PTCHD4: variants seen among roughly 807,000 people sequenced by gnomAD.
PTCHD4 encodes patched domain containing 4.
A neutral mutation model predicts 58.1 loss-of-function variants in PTCHD4; 33 were observed. The observed-to-expected ratio is 0.57, with a 90% CI of 0.43 to 0.76. The LOEUF is 0.76. PTCHD4 is among the 30% of genes least tolerant of loss of function. PTCHD4 has a pLI of 0.00. For synonymous variants in PTCHD4, 478 were observed against 409.6 expected, an observed-to-expected ratio of 1.17 and a Z score of -2.02; for missense variants, 1,058 against 1,027.1, an observed-to-expected ratio of 1.03 and a Z score of -0.41.
intron 4 of PTCHD4, among the ~76,000 whole-genome samples, chr6:47,927,287 T>C (rs1002849715): frequency 5.3e-5 from 8 of 152,142 alleles, no homozygotes; most frequent in African/African-American, 1.9e-4. Flanking sequence ...TTGCCATTGA[T>C]ATAGGGAGAA....
At chr6:47,888,694 A>T (rs1764275814) in intron 4 of PTCHD4, among the ~76,000 whole-genome samples, 1 of 151,594 alleles carries the variant, frequency 6.6e-6, no homozygotes, top group Non-Finnish European at 1.5e-5. Flanking sequence ...TTTAGGGTAC[A>T]TGTGCACATT....
At chr6:47,994,765 G>A (rs989873266) in intron 4 of PTCHD4, among the ~76,000 whole-genome samples, 3 of 152,146 alleles carry the variant, frequency 2.0e-5, no homozygotes, top group Admixed American at 1.3e-4. Flanking sequence ...GAAATGCTAC[G>A]GAAACACAGC....
rs777782667 is a variant in PTCHD4 at position 47,879,539 on chromosome 6, A to T, written c.1296T>A (p.His432Gln). 1.2e-6 allele frequency: 2 copies of T among 1,613,636 alleles called. No individual in the cohort carries two copies. Among genetic ancestry groups the T allele is most frequent in the African/African-American group, 2.7e-5 (2 of 74,886 alleles). Residue 432 changes from histidine to glutamine, a missense_variant, in exon 5 of 5, where the codon CAT becomes CAA. Physicochemically the swap from His to Gln is conservative, Grantham distance 24. Transcript: ENST00000339488. ...VMSDGHQQTS[H>Q]HETNPYQHHF... ...GGTGCTGGTAGGGGTTCGTCTCATG[A>T]TGGGACGTCTGTTGATGCCCATCAC...
At chr6:48,073,566 A>C (rs1157588379) in intron 1 of PTCHD4, among the ~76,000 whole-genome samples, 3 of 152,168 alleles carry the variant, frequency 2.0e-5, no homozygotes, top group Non-Finnish European at 4.4e-5. Context: ...GAATAAAACA[A>C]AGTTTTATCT....
At chr6:48,097,224 T>C (rs1157953913) in intron 1 of PTCHD4, among the ~76,000 whole-genome samples, 1 of 152,100 alleles carries the variant, frequency 6.6e-6, no homozygotes, top group Non-Finnish European at 1.5e-5. Flanking sequence ...TTATTAATAG[T>C]TTTAATTTAA....
intron 3 of PTCHD4, among the ~76,000 whole-genome samples, chr6:48,011,516 G>C (rs1056038371): frequency 6.6e-6 from 1 of 152,048 alleles, no homozygotes; most frequent in African/African-American, 2.4e-5. Flanking sequence ...CTCCCATTCT[G>C]TGGGTTGCCT....
intron 1 of PTCHD4, among the ~76,000 whole-genome samples, chr6:48,071,314 G>GAACC (rs1405914462): frequency 6.6e-6 from 1 of 152,198 alleles, no homozygotes; most frequent in South Asian, 2.1e-4. Context: ...TACCTGAGAT[G>GAACC]AACCACTCTG....
chr6:47,973,922 C>T (rs946587876), intron 4 of PTCHD4, among the ~76,000 whole-genome samples: 3 of 152,126 alleles, frequency 2.0e-5, no homozygotes, highest in Non-Finnish European at 4.4e-5. Context: ...ATCCAGTTAT[C>T]AAGTAGTAAC....
chr6:48,047,203 G>C (rs3757102), intron 3 of PTCHD4, among the ~76,000 whole-genome samples: 2 of 151,592 alleles, frequency 1.3e-5, no homozygotes, highest in African/African-American at 2.4e-5. Context: ...TTTTTTTCAA[G>C]AGAATATAGC....
chr6:47,881,329 T>G (rs1302155144), intron 4 of PTCHD4, among the ~76,000 whole-genome samples: 1 of 152,190 alleles, frequency 6.6e-6, no homozygotes, highest in Non-Finnish European at 1.5e-5. Context: ...TATTTGAGAC[T>G]ACAATGTACA....
intron 4 of PTCHD4, among the ~76,000 whole-genome samples, chr6:47,984,141 A>T (rs1767982169): frequency 6.6e-6 from 1 of 152,304 alleles, no homozygotes; most frequent in African/African-American, 2.4e-5. Context: ...TTTAAACTAA[A>T]AACAATTCAA....
chr6:47,928,117 G>T (rs1765687743), intron 4 of PTCHD4, among the ~76,000 whole-genome samples: 1 of 152,066 alleles, frequency 6.6e-6, no homozygotes, highest in Non-Finnish European at 1.5e-5. Context: ...TCATCCAGTG[G>T]CTTTGTTTTT....
chr6:47,984,109 GC>G (rs2114016951), intron 4 of PTCHD4, among the ~76,000 whole-genome samples: 1 of 152,032 alleles, frequency 6.6e-6, no homozygotes, highest in Non-Finnish European at 1.5e-5. Flanking sequence ...TTATAAATTG[GC>G]AATTATTGAT....
intron 3 of PTCHD4, among the ~76,000 whole-genome samples, chr6:48,025,701 G>A (rs1763220811): frequency 6.6e-6 from 1 of 152,140 alleles, no homozygotes; most frequent in African/African-American, 2.4e-5. Flanking sequence ...TGTTACATAA[G>A]CAGGTATTTA....
chr6:47,993,164 G>A (rs1768344428), intron 4 of PTCHD4, among the ~76,000 whole-genome samples: 1 of 152,072 alleles, frequency 6.6e-6, no homozygotes, highest in South Asian at 2.1e-4. Flanking sequence ...CTTAAACTAA[G>A]TAAATGAAAA....
chr6:47,995,060 T>C (rs1768430762), intron 4 of PTCHD4, among the ~76,000 whole-genome samples: 1 of 152,196 alleles, frequency 6.6e-6, no homozygotes. Context: ...TTGGTCTAGA[T>C]AGATAGCGTT....
intron 4 of PTCHD4, among the ~76,000 whole-genome samples, chr6:47,990,960 C>A (rs2114033862): frequency 6.6e-6 from 1 of 151,874 alleles, no homozygotes; most frequent in Admixed American, 6.6e-5. Flanking sequence ...ACTGTTCTAT[C>A]AGATGGAAGA....
At chr6:47,919,841 A>G (rs1316608588) in intron 4 of PTCHD4, among the ~76,000 whole-genome samples, 2 of 152,146 alleles carry the variant, frequency 1.3e-5, no homozygotes, top group East Asian at 1.9e-4. Context: ...CCTCCTGGCC[A>G]GACAGAAAGG....
chr6:48,101,380 T>C (rs900428405), intron 1 of PTCHD4, among the ~76,000 whole-genome samples: 1 of 152,220 alleles, frequency 6.6e-6, no homozygotes, highest in Non-Finnish European at 1.5e-5. Flanking sequence ...CAGTTTAACA[T>C]ATGCTAAAGC....
Sources: gnomAD v4.1 joint callset for allele counts (sites outside exome capture counted in the v4.1 genomes callset) on GRCh38, gnomAD v4.1.1 for gene constraint, MANE v1.5 for transcripts, NCBI Gene and HGNC (gene_info 2026-07-23, HGNC 2026-07-21) for gene names.